TRIM4: variants seen among roughly 807,000 people sequenced by gnomAD.
TRIM4 encodes the protein E3 ubiquitin-protein ligase TRIM4.
In TRIM4, 29 loss-of-function variants were observed where a neutral mutation model predicts 33.7. That is an observed-to-expected ratio of 0.86 (90% CI 0.64 to 1.17). TRIM4 has a LOEUF of 1.17. Among genes scored for constraint, TRIM4 ranks in the 50% most tolerant of loss-of-function variants. TRIM4 has a pLI of 0.00. For synonymous variants in TRIM4, 224 were observed against 233.0 expected, an observed-to-expected ratio of 0.96 and a Z score of 0.35; for missense variants, 554 against 593.7, an observed-to-expected ratio of 0.93 and a Z score of 0.69.
intron 5 of TRIM4, among the ~76,000 whole-genome samples, chr7:99,897,601 C>T (rs759878981): frequency 3.0e-4 from 46 of 152,258 alleles, no homozygotes; most frequent in South Asian, 1.0e-3. Flanking sequence ...TTTCTCAAGT[C>T]GGTTCTTGCA....
intron 1 of TRIM4, among the ~76,000 whole-genome samples, chr7:99,911,579 C>G (rs1251976060): frequency 6.6e-6 from 1 of 152,158 alleles, no homozygotes; most frequent in Non-Finnish European, 1.5e-5. Flanking sequence ...ATAGGTATAA[C>G]TTTTCATCCA....
rs201293187 is a variant in TRIM4 at position 99,919,124 on chromosome 7, G to C, written c.278C>G (p.Pro93Arg). The C allele has an allele frequency of 6.6e-7, 1 of 1,515,250 alleles. No individual in the cohort carries two copies. The highest frequency in any genetic ancestry group is 8.8e-7 in the Non-Finnish European group (1 of 1,131,114). 93.9% of individuals were successfully genotyped at this position (1,515,250 alleles called of 1,614,324 possible). A position where few individuals can be genotyped will look rare whatever the true frequency, so the allele number is the denominator to read the frequency against. Residue 93 changes from proline (P) to arginine (R), a missense_variant, in exon 1 of 6, where the codon CCG becomes CGG. Pro to Arg is a moderately radical substitution (Grantham distance 103). Coordinates refer to ENST00000349062, the MANE Select transcript of TRIM4 (RefSeq NM_033091.3). ...PPGLCGRHWE[P>R]LRLFCEDDQR... ...GTCGTCCTCGCAGAAGAGCCGCAGC[G>C]GCTCCCAGTGGCGGCCGCACAGGCC...
chr7:99,918,200 T>C lies in TRIM4; in HGVS notation c.393+809A>G, dbSNP rs562978464. On this transcript the variant is annotated intron_variant, in intron 1 of 5. Transcript: ENST00000349062. ...GCCATACAAGCACCTGAAACGTGGATATTCCAAACTGCTATGTGTTGTAAA... is the reference window on the plus strand; with the variant it reads ...GCCATACAAGCACCTGAAACGTGGACATTCCAAACTGCTATGTGTTGTAAA... Among the ~76,000 whole-genome samples, 9 of 152,330 alleles carry C rather than the reference T, an allele frequency of 5.9e-5. No homozygotes were observed. The South Asian group carries it at 1.4e-3, about 25-fold the overall frequency.
chr7:99,913,345 A>G (rs1438614547), intron 1 of TRIM4, among the ~76,000 whole-genome samples: 1 of 152,194 alleles, frequency 6.6e-6, no homozygotes. Context: ...AAGCATTTCA[A>G]TCTGGGTTAG....
Position 99,919,413 on chromosome 7 carries a change from G to T in TRIM4, c.-12C>A. The T allele has an allele frequency of 6.6e-7, 1 of 1,525,762 alleles. No homozygotes were observed. Among genetic ancestry groups the T allele is most frequent in the Non-Finnish European group, 8.8e-7 (1 of 1,138,298 alleles). 94.5% of individuals were successfully genotyped at this position (1,525,762 alleles called of 1,614,324 possible). ...TCCTCAGCTTCCATGCTGCTTCCCT[G>T]CCGCGGAGACGGAGTCCGACGTGAG... is the stretch of plus-strand genomic sequence containing the variant. On this transcript the variant is annotated 5_prime_UTR_variant, in exon 1 of 6. Transcript: ENST00000349062.
At chr7:99,914,251 G>A (rs1409929365) in intron 1 of TRIM4, among the ~76,000 whole-genome samples, 6 of 152,164 alleles carry the variant, frequency 3.9e-5, no homozygotes, top group Admixed American at 1.3e-4. Context: ...TCGAACTCCT[G>A]AGTGCAAGTG....
intron 1 of TRIM4, among the ~76,000 whole-genome samples, chr7:99,910,703 T>G (rs1819420520): frequency 6.6e-6 from 1 of 152,200 alleles, no homozygotes; most frequent in Non-Finnish European, 1.5e-5. Flanking sequence ...TACTAGAAAT[T>G]TTATGCATTT....
chr7:99,907,345 G>A (rs1297479374), intron 3 of TRIM4, among the ~76,000 whole-genome samples: 1 of 152,126 alleles, frequency 6.6e-6, no homozygotes, highest in East Asian at 1.9e-4. Context: ...CCTGACCTCA[G>A]GTGATCCACC....
At chr7:99,916,293 C>CT (rs939721024) in intron 1 of TRIM4, among the ~76,000 whole-genome samples, 2 of 152,100 alleles carry the variant, frequency 1.3e-5, no homozygotes, top group South Asian at 2.1e-4. Flanking sequence ...CTCTTTGTGC[C>CT]TTTTTTTACT....
chr7:99,895,994 G>A (rs146010613), intron 5 of TRIM4, among the ~76,000 whole-genome samples: 29 of 151,280 alleles, frequency 1.9e-4, no homozygotes, highest in Non-Finnish European at 2.8e-4. Flanking sequence ...TTTGATTAGC[G>A]CATGCAGACC....
rs1285324146 is a variant in TRIM4 at position 99,891,529 on chromosome 7, G to T, written c.*634C>A. 1 of 152,356 alleles carries T rather than the reference G, an allele frequency of 6.6e-6. No individual in the cohort carries two copies. The allele number at this position is 152,356 out of a possible 1,614,324, so 9.4% of individuals were successfully genotyped here. A position where few individuals can be genotyped will look rare whatever the true frequency, so the allele number is the denominator to read the frequency against. ...AGAGTGCAACATAGGCAGAGTGAGGGGGGATTCCCACAATTTTCTAAGACA... is the reference window on the plus strand; with the variant it reads ...AGAGTGCAACATAGGCAGAGTGAGGTGGGATTCCCACAATTTTCTAAGACA... On this transcript the variant is annotated 3_prime_UTR_variant, in exon 6 of 6. Transcript: ENST00000349062.
Position 99,892,221 on chromosome 7 carries a change from A to C in TRIM4, c.1367T>G (p.Phe456Cys). The change falls in exon 6 of 6, where the codon TTT (phenylalanine) becomes TGT (cysteine). Residue 456 changes from phenylalanine (F) to cysteine (C), a missense_variant. Physicochemically the swap from Phe to Cys is radical, Grantham distance 205. Around this residue, in one of 3 missense-constraint regions of TRIM4, gnomAD observed 290 missense variants for 335.8 expected, o/e 0.86. Transcript: ENST00000349062. ...AGATGCTAATGGACTCAACCAAAAAAATGGCCGGAGGCGTGAGACAGAAGA... is the reference window on the plus strand; with the variant it reads ...AGATGCTAATGGACTCAACCAAAAACATGGCCGGAGGCGTGAGACAGAAGA... ...SCSSVSRLRPFFWLSPLASLV... is the reference protein window; with the variant it reads ...SCSSVSRLRPCFWLSPLASLV... 3 of 1,614,052 alleles carry C rather than the reference A, an allele frequency of 1.9e-6. No homozygotes were observed. The highest frequency in any genetic ancestry group is 2.5e-6 in the Non-Finnish European group (3 of 1,179,978).
chr7:99,895,653 G>C (rs537747194), intron 5 of TRIM4, among the ~76,000 whole-genome samples: 1 of 152,154 alleles, frequency 6.6e-6, no homozygotes, highest in African/African-American at 2.4e-5. Context: ...AACTGCAAAC[G>C]TAATTGTGAA....
At chr7:99,893,383 C>T (rs1818941489) in intron 5 of TRIM4, among the ~76,000 whole-genome samples, 1 of 151,934 alleles carries the variant, frequency 6.6e-6, no homozygotes, top group African/African-American at 2.4e-5. Flanking sequence ...TGAATCAAAA[C>T]TAGAACCAAG....
At chr7:99,912,428 G>A (rs1483538968) in intron 1 of TRIM4, among the ~76,000 whole-genome samples, 1 of 151,920 alleles carries the variant, frequency 6.6e-6, no homozygotes, top group Non-Finnish European at 1.5e-5. Flanking sequence ...CTACTTGGGA[G>A]GCTGAGGCAT....
chr7:99,918,972 G>A (rs762791443), intron 1 of TRIM4, 37 bp downstream of exon 1: 2 of 1,566,182 alleles, frequency 1.3e-6, no homozygotes, highest in Non-Finnish European at 1.7e-6. Flanking sequence ...GGGCAACACT[G>A]ACAGCCCCGT....
chr7:99,903,745 C>T (rs1819231294), intron 3 of TRIM4, 147 bp from the exon 4 acceptor site: 1 of 854,394 alleles, frequency 1.2e-6, no homozygotes, highest in Admixed American at 2.0e-5. Context: ...TTGACAGAAT[C>T]TGGTCCTTTC....
intron 3 of TRIM4, chr7:99,908,162 T>G (rs1819352199): frequency 6.5e-6 from 1 of 154,698 alleles, no homozygotes. Flanking sequence ...GAACAAAGTT[T>G]TATCAAGCTG....
rs554139347 is a variant in TRIM4 at position 99,892,138 on chromosome 7, A to T, written c.*25T>A. On this transcript the variant is annotated 3_prime_UTR_variant, in exon 6 of 6. Coordinates refer to ENST00000349062, the MANE Select transcript of TRIM4 (RefSeq NM_033091.3). ...TCCCTCAGCTGGACTACAGGGAAGG[A>T]GTTTTGGTCAGGGGAAGAAAAGCCT... The T allele has an allele frequency of 6.4e-7, 1 of 1,569,652 alleles. No individual in the cohort carries two copies. Among genetic ancestry groups the T allele is most frequent in the East Asian group, 2.2e-5 (1 of 44,728 alleles).
Sources: allele counts gnomAD v4.1 joint callset (sites outside exome capture counted in the v4.1 genomes callset), GRCh38; gene constraint gnomAD v4.1.1; regional missense constraint gnomAD v4.1.1; transcripts MANE v1.5; gene names NCBI Gene and HGNC (gene_info 2026-07-23, HGNC 2026-07-21).